The following SLAMF6 variants were observed in gnomAD, a reference collection of about 807,000 sequenced individuals.
SLAMF6 encodes SLAM family member 6.
SLAMF6 carries 21 observed loss-of-function variants against 38.3 expected under a neutral mutation model. The ratio of observed to expected loss-of-function variants is 0.55; its 90% CI spans 0.39 to 0.79. The LOEUF is 0.79. SLAMF6 is among the 30% of genes least tolerant of loss of function. The pLI, the probability that SLAMF6 is intolerant of heterozygous loss-of-function variation, is 0.00. For missense variants in SLAMF6, 341 were observed against 385.3 expected (o/e 0.89, Z 0.96); for synonymous variants, 152 against 146.3 (o/e 1.04, Z -0.28).
intron 1 of SLAMF6, among the ~76,000 whole-genome samples, chr1:160,507,572 A>G (rs1654254581): frequency 6.6e-6 from 1 of 152,094 alleles, no homozygotes; most frequent in African/African-American, 2.4e-5. Flanking sequence ...CTACATCCAA[A>G]CACAACAAAA....
At chr1:160,501,698 CTTTT>C (rs11324483) in intron 1 of SLAMF6, among the ~76,000 whole-genome samples, 4 of 138,666 alleles carry the variant, frequency 2.9e-5, no homozygotes, top group Non-Finnish European at 4.7e-5. Flanking sequence ...TAATGCCTTG[CTTTT>C]TTTTTTTTTT....
At chr1:160,498,053 CA>C (rs1653686281) in intron 1 of SLAMF6, among the ~76,000 whole-genome samples, 1 of 152,084 alleles carries the variant, frequency 6.6e-6, no homozygotes, top group Non-Finnish European at 1.5e-5. Context: ...GAAAAATCTC[CA>C]AACTGCTTTC....
chr1:160,502,589 G>A (rs1474440346), intron 1 of SLAMF6, among the ~76,000 whole-genome samples: 1 of 152,164 alleles, frequency 6.6e-6, no homozygotes, highest in Non-Finnish European at 1.5e-5. Context: ...CCTGATTAGT[G>A]GAGGGTTAGT....
rs763796261 is a variant in SLAMF6, at chr1:160,490,604, A to G, written c.728T>C (p.Leu243Pro). 29 of 1,613,844 alleles carry G rather than the reference A, an allele frequency of 1.8e-5. No homozygotes were observed. Among genetic ancestry groups the G allele is most frequent in the Non-Finnish European group, 2.5e-5 (29 of 1,179,918 alleles). ...TCTTTTCCTCAAAACAAGTAACAGCAGTATGATGAAACCGAAGACTATGCA... is the reference window on the plus strand; with the variant it reads ...TCTTTTCCTCAAAACAAGTAACAGCGGTATGATGAAACCGAAGACTATGCA... ...GICIVFGFII[L>P]LLLVLRKRRD... The change falls in exon 4 of 8, where the codon CTG becomes CCG. Residue 243 changes from leucine (L) to proline (P), a missense_variant. Leu to Pro is a moderately conservative substitution (Grantham distance 98, BLOSUM62 -3). Coordinates refer to ENST00000368057, the MANE Select transcript of SLAMF6 (RefSeq NM_001184714.2).
At chr1:160,501,283 A>G (rs553984942) in intron 1 of SLAMF6, among the ~76,000 whole-genome samples, 2 of 152,340 alleles carry the variant, frequency 1.3e-5, no homozygotes, top group African/African-American at 4.8e-5. Context: ...GAGGAGCCTG[A>G]CAGGTAAATG....
Position 160,486,201 on chromosome 1 carries a change from T to C in SLAMF6, c.*506A>G, listed in dbSNP as rs1419408957. ...TAAATATAATGCAAATATTCCAAAATCTGAAAAAAAATTGAAATCTGAAAC... is the reference window on the plus strand; with the variant it reads ...TAAATATAATGCAAATATTCCAAAACCTGAAAAAAAATTGAAATCTGAAAC... On this transcript the variant is annotated 3_prime_UTR_variant, in exon 8 of 8. Coordinates refer to ENST00000368057, the MANE Select transcript of SLAMF6 (RefSeq NM_001184714.2). 1 of 152,716 alleles carries C rather than the reference T, an allele frequency of 6.5e-6. No individual in the cohort carries two copies. The highest frequency in any genetic ancestry group is 1.5e-5 in the Non-Finnish European group (1 of 68,284). 9.5% of individuals were successfully genotyped at this position (152,716 alleles called of 1,614,324 possible). A position where few individuals can be genotyped will look rare whatever the true frequency, so the allele number is the denominator to read the frequency against.
intron 1 of SLAMF6, among the ~76,000 whole-genome samples, chr1:160,502,733 G>A (rs1466929585): frequency 6.6e-6 from 1 of 152,162 alleles, no homozygotes; most frequent in African/African-American, 2.4e-5. Flanking sequence ...GGAACTTTGG[G>A]TTTCTAACCT....
rs1277438415 is a variant in SLAMF6, at chr1:160,503,982, C to T, written c.50-7589G>A. 3.6e-5 allele frequency among the ~76,000 whole-genome samples: 5 copies of T among 139,698 alleles called. No individual in the cohort carries two copies. The South Asian group carries it at 1.1e-3, about 31-fold the overall frequency. The allele number at this position is 139,698 out of a possible 152,430, so 91.6% of individuals were successfully genotyped here. On this transcript the variant is annotated intron_variant, in intron 1 of 7. Coordinates refer to ENST00000368057, the MANE Select transcript of SLAMF6 (RefSeq NM_001184714.2). The stretch of plus-strand genomic sequence containing the variant: ...GCAGTGAGCTGAGATCATGCCATTG[C>T]ACTCCAGCCTGGGTGACAGAGTGAG...
chr1:160,499,961 G>T (rs1653797134), intron 1 of SLAMF6, among the ~76,000 whole-genome samples: 1 of 152,212 alleles, frequency 6.6e-6, no homozygotes, highest in Non-Finnish European at 1.5e-5. Context: ...ATTTTGAGCA[G>T]AATGTCCAGA....
At chr1:160,502,838 C>G (rs1036635643) in intron 1 of SLAMF6, among the ~76,000 whole-genome samples, 2 of 151,950 alleles carry the variant, frequency 1.3e-5, no homozygotes, top group African/African-American at 4.8e-5. Context: ...AGAGTAGGGG[C>G]TGATTTCTCA....
chr1:160,503,399 G>A (rs1157144842), intron 1 of SLAMF6, among the ~76,000 whole-genome samples: 1 of 151,866 alleles, frequency 6.6e-6, no homozygotes, highest in East Asian at 1.9e-4. Context: ...AAGTGATTGC[G>A]GATTTTGCCA....
intron 1 of SLAMF6, among the ~76,000 whole-genome samples, chr1:160,516,458 C>T (rs571685982): frequency 9.2e-4 from 140 of 151,998 alleles, no homozygotes; most frequent in Non-Finnish European, 1.7e-3. Flanking sequence ...ACTACTATTC[C>T]CATTAAACTA....
At position 160,491,469 on chromosome 1, in the gene SLAMF6, A is replaced by G. The variant is rs1653297500; in HGVS notation, c.383-81T>C. ...CCTGTGAAAAATATCCTTCACCTCA[A>G]TGTTTTGTATTTCACCTTTGCTGTG... is the stretch of plus-strand genomic sequence containing the variant. On this transcript the variant is annotated intron_variant, in intron 2 of 7. Transcript: ENST00000368057. 9.1e-6 allele frequency: 14 copies of G among 1,533,300 alleles called. No homozygotes were observed. The South Asian group carries it at 1.2e-4, about 13-fold the overall frequency. The allele number at this position is 1,533,300 out of a possible 1,614,324, so 95.0% of individuals were successfully genotyped here.
chr1:160,486,821 TAC>T (rs1652987212), intron 7 of SLAMF6, 67 bp from the exon 8 acceptor site: 1 of 1,554,012 alleles, frequency 6.4e-7, no homozygotes, highest in Non-Finnish European at 8.9e-7. Flanking sequence ...CCCTCATAAC[TAC>T]AGAGAGAGGA....
At chr1:160,490,258 T>C (rs1653213484) in intron 4 of SLAMF6, 22 bp from the exon 5 acceptor site, 3 of 1,612,942 alleles carry the variant, frequency 1.9e-6, no homozygotes, top group African/African-American at 2.7e-5. Flanking sequence ...AACCAGAAAA[T>C]TGAAATGTGT....
chr1:160,522,355 G>A (rs1051804776), intron 1 of SLAMF6, among the ~76,000 whole-genome samples: 3 of 152,176 alleles, frequency 2.0e-5, no homozygotes, highest in African/African-American at 7.2e-5. Flanking sequence ...AGTGCTCAGT[G>A]AATGCTTCCT....
At chr1:160,521,141 A>C (rs2102074474) in intron 1 of SLAMF6, among the ~76,000 whole-genome samples, 1 of 152,314 alleles carries the variant, frequency 6.6e-6, no homozygotes, top group Middle Eastern at 3.4e-3. Context: ...TAAGTAGCAT[A>C]GTGAAGTGGC....
At position 160,487,082 on chromosome 1, in the gene SLAMF6, C is replaced by T. The variant is rs373526455; in HGVS notation, c.951+22G>A. 18 of 1,577,918 alleles carry T rather than the reference C, an allele frequency of 1.1e-5. No homozygotes were observed. The African/African-American group carries it at 2.3e-4, about 20-fold the overall frequency. On this transcript the variant is annotated intron_variant, in intron 7 of 7. Coordinates refer to ENST00000368057, the MANE Select transcript of SLAMF6 (RefSeq NM_001184714.2). ...GTGGAGAGAGGTAAGAATATAAAAACATGGAGCAATCGTGGGCTTACCTCT... is the reference window on the plus strand; with the variant it reads ...GTGGAGAGAGGTAAGAATATAAAAATATGGAGCAATCGTGGGCTTACCTCT...
chr1:160,494,023 G>A (rs1571286786), intron 2 of SLAMF6, among the ~76,000 whole-genome samples: 1 of 152,034 alleles, frequency 6.6e-6, no homozygotes, highest in South Asian at 2.1e-4. Flanking sequence ...ATTTGGGTGG[G>A]GACACAGAGC....
Sources: gnomAD v4.1 joint callset for allele counts (sites outside exome capture counted in the v4.1 genomes callset) on GRCh38, gnomAD v4.1.1 for gene constraint, MANE v1.5 for transcripts, NCBI Gene and HGNC (gene_info 2026-07-23, HGNC 2026-07-21) for gene names.